Variants in PTPRT observed in about 807,000 individuals in gnomAD.
PTPRT encodes the protein protein tyrosine phosphatase receptor type T.
Under a neutral mutation model 176.8 loss-of-function variants are expected in PTPRT, and 56 were observed. The observed-to-expected ratio is 0.32, with a 90% CI of 0.26 to 0.40. PTPRT has a LOEUF of 0.40. PTPRT is among the 10% of genes least tolerant of loss of function. The probability of loss-of-function intolerance (pLI) is 1.00; values close to 1 mark genes in which losing one functional copy is unlikely to be tolerated. For synonymous variants in PTPRT, 783 were observed against 739.0 expected (o/e 1.06, Z -0.96); for missense variants, 1,540 against 1,908.2 (o/e 0.81, Z 3.60).
intron 13 of PTPRT, among the ~76,000 whole-genome samples, chr20:42,266,710 G>A (rs1347025634): frequency 6.6e-6 from 1 of 152,112 alleles, no homozygotes; most frequent in African/African-American, 2.4e-5. Flanking sequence ...GTCCTAGAGA[G>A]CAACAAGGAA....
At chr20:42,745,425 C>T (rs570770371) in intron 6 of PTPRT, among the ~76,000 whole-genome samples, 11 of 152,264 alleles carry the variant, frequency 7.2e-5, no homozygotes, top group African/African-American at 2.2e-4. Flanking sequence ...TGCTGTGTAT[C>T]GTAGGGTGTT....
At chr20:42,827,604 C>A (rs1428449095) in intron 2 of PTPRT, among the ~76,000 whole-genome samples, 1 of 152,164 alleles carries the variant, frequency 6.6e-6, no homozygotes, top group Non-Finnish European at 1.5e-5. Flanking sequence ...TGTGGTTTGG[C>A]TGTGTCCCCA....
intron 7 of PTPRT, among the ~76,000 whole-genome samples, chr20:42,569,123 T>C (rs1021666009): frequency 1.6e-5 from 2 of 122,176 alleles, no homozygotes; most frequent in Non-Finnish European, 3.3e-5. Flanking sequence ...ATTTCAACTT[T>C]CATGCCATGC....
At chr20:42,929,186 G>T (rs183062204) in intron 1 of PTPRT, among the ~76,000 whole-genome samples, 1 of 152,346 alleles carries the variant, frequency 6.6e-6, no homozygotes. Flanking sequence ...TGCCTTACAT[G>T]CAAGGATACT....
At chr20:42,974,298 T>C (rs1239231726) in intron 1 of PTPRT, among the ~76,000 whole-genome samples, 1 of 152,210 alleles carries the variant, frequency 6.6e-6, no homozygotes, top group Non-Finnish European at 1.5e-5. Flanking sequence ...GATATTTTCT[T>C]GCCAACTACA....
chr20:42,138,836 CTTG>C (rs200604712), intron 18 of PTPRT, among the ~76,000 whole-genome samples: 1 of 152,178 alleles, frequency 6.6e-6, no homozygotes, highest in Non-Finnish European at 1.5e-5. Context: ...GCCAAGGTCT[CTTG>C]TTGTTTCTTT....
chr20:42,369,257 G>A (rs1030287085), intron 9 of PTPRT, among the ~76,000 whole-genome samples: 4 of 152,084 alleles, frequency 2.6e-5, no homozygotes, highest in East Asian at 1.9e-4. Flanking sequence ...GTGCCACCAC[G>A]TCTGGCTTGG....
At chr20:42,441,875 CAT>C (rs2059319375) in intron 9 of PTPRT, among the ~76,000 whole-genome samples, 1 of 152,204 alleles carries the variant, frequency 6.6e-6, no homozygotes, top group Admixed American at 6.5e-5. Context: ...TTATGCAAAT[CAT>C]GTGTCCTAAT....
intron 7 of PTPRT, among the ~76,000 whole-genome samples, chr20:42,617,102 A>G (rs1331394606): frequency 3.1e-4 from 41 of 134,304 alleles, no homozygotes; most frequent in South Asian, 4.7e-4. Flanking sequence ...TATTATTTTG[A>G]AATACCTCCC....
intron 1 of PTPRT, among the ~76,000 whole-genome samples, chr20:42,955,623 T>G (rs991954192): frequency 2.0e-5 from 3 of 152,162 alleles, no homozygotes; most frequent in Non-Finnish European, 4.4e-5. Flanking sequence ...TTACAATTTC[T>G]TCATGAGTAA....
chr20:43,185,926 A>G (rs1165837820), intron 1 of PTPRT, among the ~76,000 whole-genome samples: 1 of 79,186 alleles, frequency 1.3e-5, no homozygotes, highest in African/African-American at 2.7e-5. Context: ...AGTAAGACTG[A>G]TCTCAAAAAA....
At chr20:42,749,863 G>A (rs1044064294) in intron 6 of PTPRT, among the ~76,000 whole-genome samples, 1 of 152,234 alleles carries the variant, frequency 6.6e-6, no homozygotes, top group Non-Finnish European at 1.5e-5. Flanking sequence ...CACCAGACTA[G>A]TGAGAGAGCA....
At chr20:42,494,542 T>C (rs1407172217) in intron 7 of PTPRT, among the ~76,000 whole-genome samples, 6 of 152,116 alleles carry the variant, frequency 3.9e-5, no homozygotes, top group Non-Finnish European at 7.4e-5. Flanking sequence ...TTCCATGAGC[T>C]CAGTAAAAAC....
intron 13 of PTPRT, among the ~76,000 whole-genome samples, chr20:42,268,035 C>A (rs2056868172): frequency 6.6e-6 from 1 of 152,166 alleles, no homozygotes; most frequent in African/African-American, 2.4e-5. Context: ...GCCAGCCTGT[C>A]CCTGCTACAT....
chr20:42,853,265 C>T (rs184813911), intron 2 of PTPRT, among the ~76,000 whole-genome samples: 61 of 152,048 alleles, frequency 4.0e-4, no homozygotes, highest in Admixed American at 1.8e-3. Flanking sequence ...GAAATAGAAC[C>T]GACAGAATAT....
At chr20:42,936,461 G>A (rs187372140) in intron 1 of PTPRT, among the ~76,000 whole-genome samples, 87 of 152,332 alleles carry the variant, frequency 5.7e-4, no homozygotes, top group African/African-American at 2.0e-3. Flanking sequence ...AGCCTCATAA[G>A]CATTTGTAAG....
chr20:42,995,985 G>C (rs1027817918), intron 1 of PTPRT, among the ~76,000 whole-genome samples: 5 of 151,762 alleles, frequency 3.3e-5, no homozygotes, highest in Non-Finnish European at 7.4e-5. Flanking sequence ...ACTATACCCA[G>C]CTAAATTTTT....
intron 22 of PTPRT, among the ~76,000 whole-genome samples, chr20:42,112,526 A>T (rs540023989): frequency 7.9e-5 from 12 of 151,650 alleles, no homozygotes; most frequent in South Asian, 2.1e-4. Flanking sequence ...AAAAACAGAA[A>T]TTTTTTTTAC....
At chr20:42,989,532 G>T (rs1305722656) in intron 1 of PTPRT, among the ~76,000 whole-genome samples, 1 of 152,188 alleles carries the variant, frequency 6.6e-6, no homozygotes, top group Admixed American at 6.5e-5. Flanking sequence ...TGCCCAGGTA[G>T]AACCAGGGGA....
Sources: gnomAD v4.1 joint callset for allele counts (sites outside exome capture counted in the v4.1 genomes callset) on GRCh38, gnomAD v4.1.1 for gene constraint, MANE v1.5 for transcripts, NCBI Gene and HGNC (gene_info 2026-07-23, HGNC 2026-07-21) for gene names.